Variants in SOCS6 observed in about 807,000 individuals in gnomAD.
SOCS6 encodes suppressor of cytokine signaling 6.
In SOCS6, 5 loss-of-function variants were observed where a neutral mutation model predicts 27.7. The ratio of observed to expected loss-of-function variants is 0.18; its 90% CI spans 0.09 to 0.38. The LOEUF (loss-of-function observed/expected upper bound fraction) is 0.38, where lower values mean the gene tolerates loss of function less well. SOCS6 is among the 10% of genes least tolerant of loss of function. The probability of loss-of-function intolerance (pLI) is 1.00; values close to 1 mark genes in which losing one functional copy is unlikely to be tolerated. For synonymous variants in SOCS6, 271 were observed against 260.0 expected (o/e 1.04, Z -0.41); for missense variants, 595 against 688.1 (o/e 0.86, Z 1.51).
chr18:70,317,575 ACACACAC>A (rs2062418214), intron 1 of SOCS6, among the ~76,000 whole-genome samples: 4 of 150,580 alleles, frequency 2.7e-5, no homozygotes, highest in Admixed American at 2.6e-4. Context: ...ACACACACAC[ACACACAC>A]CACATTTTCT....
At chr18:70,292,162 T>TA (rs1398371627) in intron 1 of SOCS6, among the ~76,000 whole-genome samples, 32 of 152,194 alleles carry the variant, frequency 2.1e-4, no homozygotes, top group Non-Finnish European at 4.3e-4. Flanking sequence ...CATACTTAGA[T>TA]AAAGTCACGT....
chr18:70,304,525 A>T (rs1045818834), intron 1 of SOCS6, among the ~76,000 whole-genome samples: 2 of 152,226 alleles, frequency 1.3e-5, no homozygotes, highest in Admixed American at 1.3e-4. Flanking sequence ...GCTTTAATTT[A>T]CATTTTGAAT....
At chr18:70,302,664 G>A (rs1313366416) in intron 1 of SOCS6, among the ~76,000 whole-genome samples, 1 of 152,124 alleles carries the variant, frequency 6.6e-6, no homozygotes, top group Non-Finnish European at 1.5e-5. Context: ...TATAAGCTGA[G>A]TAGGAAGGGA....
At chr18:70,292,670 C>T (rs573565163) in intron 1 of SOCS6, among the ~76,000 whole-genome samples, 7 of 152,286 alleles carry the variant, frequency 4.6e-5, no homozygotes, top group South Asian at 2.1e-4. Flanking sequence ...TCTTCCTCAT[C>T]GACTATAACA....
intron 1 of SOCS6, among the ~76,000 whole-genome samples, chr18:70,321,360 G>T (rs1300676855): frequency 2.5e-5 from 2 of 79,060 alleles, no homozygotes; most frequent in Non-Finnish European, 4.6e-5. Flanking sequence ...CGCTCTTGTT[G>T]CCCAGGCTGG....
At chr18:70,298,158 T>C (rs1044305091) in intron 1 of SOCS6, among the ~76,000 whole-genome samples, 1 of 126,144 alleles carries the variant, frequency 7.9e-6, no homozygotes, top group Non-Finnish European at 1.7e-5. Context: ...AACAAATTAC[T>C]TTTAATCTTA....
At chr18:70,302,766 C>G (rs1227543727) in intron 1 of SOCS6, among the ~76,000 whole-genome samples, 1 of 124,422 alleles carries the variant, frequency 8.0e-6, no homozygotes, top group South Asian at 2.8e-4. Flanking sequence ...ATATATACAC[C>G]AGTATAAAAA....
At chr18:70,318,795 G>A (rs1026551532) in intron 1 of SOCS6, among the ~76,000 whole-genome samples, 1 of 152,102 alleles carries the variant, frequency 6.6e-6, no homozygotes, top group Non-Finnish European at 1.5e-5. Flanking sequence ...AATTAGCCAG[G>A]TGTGGTGGTG....
At chr18:70,297,805 A>G (rs1600149565) in intron 1 of SOCS6, among the ~76,000 whole-genome samples, 1 of 152,328 alleles carries the variant, frequency 6.6e-6, no homozygotes, top group African/African-American at 2.4e-5. Flanking sequence ...ATGTACATTT[A>G]ATAACAAATT....
At chr18:70,301,304 A>C (rs2146267696) in intron 1 of SOCS6, among the ~76,000 whole-genome samples, 1 of 152,334 alleles carries the variant, frequency 6.6e-6, no homozygotes, top group Middle Eastern at 3.4e-3. Flanking sequence ...ATGCAGGAGA[A>C]AGAGGATGGT....
At chr18:70,302,123 C>G (rs1254118831) in intron 1 of SOCS6, among the ~76,000 whole-genome samples, 1 of 152,048 alleles carries the variant, frequency 6.6e-6, no homozygotes, top group East Asian at 1.9e-4. Context: ...AGGAATGAGC[C>G]AGTGGAGTGG....
chr18:70,311,569 G>A (rs952342262), intron 1 of SOCS6, among the ~76,000 whole-genome samples: 1 of 152,094 alleles, frequency 6.6e-6, no homozygotes, highest in Non-Finnish European at 1.5e-5. Context: ...AAATCGGCTC[G>A]ATGGTTACAG....
At chr18:70,303,715 C>T (rs994933958) in intron 1 of SOCS6, among the ~76,000 whole-genome samples, 8 of 152,100 alleles carry the variant, frequency 5.3e-5, no homozygotes, top group East Asian at 1.9e-4. Context: ...CGCTTGAACC[C>T]GGGAAGCAGA....
intron 1 of SOCS6, among the ~76,000 whole-genome samples, chr18:70,311,609 C>G (rs184756601): frequency 6.8e-4 from 104 of 152,222 alleles, no homozygotes; most frequent in African/African-American, 2.5e-3. Flanking sequence ...TAAAAGTCAA[C>G]TTCCTGATCC....
intron 1 of SOCS6, among the ~76,000 whole-genome samples, chr18:70,313,015 C>G: frequency 6.6e-6 from 1 of 151,998 alleles, no homozygotes; most frequent in South Asian, 2.1e-4. Flanking sequence ...CTCTTGACCT[C>G]GTGATCCACC....
intron 1 of SOCS6, among the ~76,000 whole-genome samples, chr18:70,298,555 T>C (rs1269572851): frequency 6.6e-6 from 1 of 152,216 alleles, no homozygotes; most frequent in African/African-American, 2.4e-5. Flanking sequence ...ACTGTAATTA[T>C]ACCTTAGCCA....
chr18:70,321,124 A>G (rs1023895358), intron 1 of SOCS6, among the ~76,000 whole-genome samples: 6 of 151,742 alleles, frequency 4.0e-5, no homozygotes, highest in African/African-American at 1.5e-4. Flanking sequence ...AGTAGACAAA[A>G]TTAGCCAGGC....
intron 1 of SOCS6, among the ~76,000 whole-genome samples, chr18:70,303,716 G>A (rs747490018): frequency 2.6e-5 from 4 of 152,112 alleles, no homozygotes; most frequent in Admixed American, 6.5e-5. Flanking sequence ...GCTTGAACCC[G>A]GGAAGCAGAG....
Position 70,325,571 on chromosome 18 carries a change from A to T in SOCS6, c.903A>T (p.Arg301Ser). Residue 301 changes from arginine (R) to serine (S), a missense_variant, in exon 2 of 2, where the codon AGA (arginine) becomes AGT (serine). Physicochemically the swap from Arg to Ser is moderately radical, Grantham distance 110 (BLOSUM62 -1). Around this residue, in one of 2 missense-constraint regions of SOCS6, gnomAD observed 467 missense variants for 481.1 expected, o/e 0.97. Coordinates refer to ENST00000397942, the MANE Select transcript of SOCS6 (RefSeq NM_004232.4). The surrounding 1 kb of genome is among the most constrained non-coding windows in gnomAD (Gnocchi z 6.3). The stretch of plus-strand genomic sequence containing the variant: ...CGGGAGTCATGTTGCAGAGCCCGAG[A>T]GCGGGTCACGATGATGTCCCTCCAC... ...GTTGVMLQSPRAGHDDVPPLS... is the reference protein window; with the variant it reads ...GTTGVMLQSPSAGHDDVPPLS... The T allele has an allele frequency of 6.2e-7, 1 of 1,614,168 alleles. No homozygotes were observed.
Sources: gnomAD v4.1 joint callset for allele counts (sites outside exome capture counted in the v4.1 genomes callset) on GRCh38, gnomAD v4.1.1 for gene constraint, gnomAD v4.1.1 regional missense constraint, Gnocchi (gnomAD v3.1) non-coding constraint, MANE v1.5 for transcripts, NCBI Gene and HGNC (gene_info 2026-07-23, HGNC 2026-07-21) for gene names.